Variants in TECPR2 observed in about 807,000 individuals in gnomAD.
TECPR2 encodes tectonin beta-propeller repeat containing 2, also known as tectonin beta-propeller repeat-containing protein 2.
In TECPR2, 65 loss-of-function variants were observed where a neutral mutation model predicts 138.1. The ratio of observed to expected loss-of-function variants is 0.47; its 90% CI spans 0.39 to 0.58. The LOEUF is 0.58. Among genes scored for constraint, TECPR2 ranks in the 20% least tolerant of loss-of-function variants. The pLI is 0.00. For missense variants in TECPR2, 1,553 were observed against 1,824.5 expected, an observed-to-expected ratio of 0.85 and a Z score of 2.71; for synonymous variants, 746 against 749.8, an observed-to-expected ratio of 0.99 and a Z score of 0.08.
At chr14:102,405,089 C>G (rs1888621974) in intron 2 of TECPR2, among the ~76,000 whole-genome samples, 1 of 152,012 alleles carries the variant, frequency 6.6e-6, no homozygotes, top group African/African-American at 2.4e-5. Flanking sequence ...AGGCGGATCA[C>G]TTGAGGCCAG....
chr14:102,390,077 C>G (rs932322566), intron 2 of TECPR2, among the ~76,000 whole-genome samples: 1 of 152,178 alleles, frequency 6.6e-6, no homozygotes, highest in Non-Finnish European at 1.5e-5. Flanking sequence ...GTGGTTTCTA[C>G]TGAAGGTTAA....
chr14:102,413,999 A>G (rs1327687803), intron 4 of TECPR2, among the ~76,000 whole-genome samples: 1 of 149,646 alleles, frequency 6.7e-6, no homozygotes, highest in South Asian at 2.1e-4. Flanking sequence ...ATGATCTCAC[A>G]ATGTTGCCCA....
chr14:102,498,535 C>A lies in TECPR2; in HGVS notation c.*278C>A, dbSNP rs1463081165. The A allele has an allele frequency of 7.8e-6, 4 of 514,260 alleles. No homozygotes were observed. The Admixed American group carries it at 9.8e-5, about 13-fold the overall frequency. 31.9% of individuals were successfully genotyped at this position (514,260 alleles called of 1,614,324 possible). ...TGCACTCCGATTACCCACGTGCTGC[C>A]GTCCTGGTCTCATCCACAGATAGCT... is the stretch of plus-strand genomic sequence containing the variant. On this transcript the variant is annotated 3_prime_UTR_variant, in exon 20 of 20. Transcript: ENST00000359520.
rs10149146 is a variant in TECPR2 at position 102,434,864 on chromosome 14, A to G, written c.2047A>G (p.Ile683Val). ...SPVEPSQEQD[I>V]LTSMEASGHL... ...CGTGGAGCCCAGCCAAGAGCAGGACATCCTAACCAGCATGGAGGCCTCTGG... is the reference window on the plus strand; with the variant it reads ...CGTGGAGCCCAGCCAAGAGCAGGACGTCCTAACCAGCATGGAGGCCTCTGG... Residue 683 changes from isoleucine to valine, a missense_variant, in exon 9 of 20, where the codon ATC (isoleucine) becomes GTC (valine). Ile to Val is a conservative substitution (Grantham distance 29). Transcript: ENST00000359520. 0.31 allele frequency: 502,511 copies of G among 1,613,380 alleles called. 81,354 individuals are homozygous for G. The highest frequency in any genetic ancestry group is 0.39 in the Middle Eastern group (2,393 of 6,062).
rs1454723646 is a variant in TECPR2 at position 102,415,981 on chromosome 14, C to G, written c.638+1188C>G. Among the ~76,000 whole-genome samples the G allele has an allele frequency of 1.3e-5, 2 of 152,180 alleles. No individual in the cohort carries two copies. The highest frequency in any genetic ancestry group is 2.4e-5 in the African/African-American group (1 of 41,434). Reference sequence around the variant, plus strand: ...CAGCCCCTGTGGTCGTAGTCACTGCCCGTTATTCTGTGTTCTGGGCTTTGC... The same window carrying G: ...CAGCCCCTGTGGTCGTAGTCACTGCGCGTTATTCTGTGTTCTGGGCTTTGC... On this transcript the variant is annotated intron_variant, in intron 5 of 19. Transcript: ENST00000359520. This position sits in a 1 kb window ranked among gnomAD's most constrained non-coding sequence, Gnocchi z 4.3.
At chr14:102,391,804 C>T (rs1597779502) in intron 2 of TECPR2, among the ~76,000 whole-genome samples, 1 of 152,098 alleles carries the variant, frequency 6.6e-6, no homozygotes, top group Non-Finnish European at 1.5e-5. Context: ...ATGAGTCTTG[C>T]TCCTTTTCCT....
At chr14:102,430,035 C>G (rs560831895) in intron 7 of TECPR2, among the ~76,000 whole-genome samples, 2 of 152,246 alleles carry the variant, frequency 1.3e-5, no homozygotes, top group South Asian at 2.1e-4. Context: ...GGTGCAGTCT[C>G]TGGTCACTGC....
chr14:102,388,965 A>AAAAT (rs1888096021), intron 2 of TECPR2, among the ~76,000 whole-genome samples: 1 of 148,898 alleles, frequency 6.7e-6, no homozygotes, highest in Non-Finnish European at 1.5e-5. Flanking sequence ...CGTCTCAAAA[A>AAAAT]AAAAAAAAAA....
intron 9 of TECPR2, among the ~76,000 whole-genome samples, chr14:102,436,736 A>G (rs1567341157): frequency 1.3e-5 from 2 of 152,292 alleles, no homozygotes; most frequent in Admixed American, 1.3e-4. Context: ...GATGGCAGCT[A>G]GTTGTGGATT....
At position 102,499,391 on chromosome 14, in the gene TECPR2, T is replaced by G. The variant is rs558792806; in HGVS notation, c.*1134T>G. On this transcript the variant is annotated 3_prime_UTR_variant, in exon 20 of 20. Transcript: ENST00000359520. ...AAATCTTACAAATTTAGAAGAGAGA[T>G]ATGTTTTCCGAAAACAGTGGAAGCC... 58 of 597,102 alleles carry G rather than the reference T, an allele frequency of 9.7e-5. No individual in the cohort carries two copies. The highest frequency in any genetic ancestry group is 8.2e-4 in the African/African-American group (44 of 53,910). 37.0% of individuals were successfully genotyped at this position (597,102 alleles called of 1,614,324 possible).
chr14:102,377,845 T>C (rs1424691325), intron 2 of TECPR2, among the ~76,000 whole-genome samples: 1 of 152,254 alleles, frequency 6.6e-6, no homozygotes, highest in African/African-American at 2.4e-5. Flanking sequence ...TAATCTCTAG[T>C]TCTTCTCTTG....
chr14:102,462,396 A>G (rs1890429946), intron 16 of TECPR2, among the ~76,000 whole-genome samples: 1 of 152,234 alleles, frequency 6.6e-6, no homozygotes, highest in Admixed American at 6.5e-5. Context: ...TCAAGGAAGG[A>G]GAAAATACAG....
Position 102,498,320 on chromosome 14 carries a change from G to A in TECPR2, c.*63G>A. ...CTGTGGCGGGCACAGGGGCTTCAGA[G>A]TGACTCCCTGGTGGACGCGCTGCCT... On this transcript the variant is annotated 3_prime_UTR_variant, in exon 20 of 20. Coordinates refer to ENST00000359520, the MANE Select transcript of TECPR2 (RefSeq NM_014844.5). The A allele has an allele frequency of 2.0e-6, 3 of 1,524,990 alleles. No individual in the cohort carries two copies. The highest frequency in any genetic ancestry group is 1.4e-5 in the African/African-American group (1 of 73,488). 94.5% of individuals were successfully genotyped at this position (1,524,990 alleles called of 1,614,324 possible).
At chr14:102,399,952 T>C (rs567961751) in intron 2 of TECPR2, among the ~76,000 whole-genome samples, 1 of 152,284 alleles carries the variant, frequency 6.6e-6, no homozygotes, top group East Asian at 1.9e-4. Context: ...TTTTGTGTTC[T>C]ACATGATTTA....
At chr14:102,440,695 C>T in intron 11 of TECPR2, 86 bp downstream of exon 11, 1 of 1,463,956 alleles carries the variant, frequency 6.8e-7, no homozygotes, top group Non-Finnish European at 9.2e-7. Context: ...ATGCTTACCA[C>T]AATCGCTATG....
At chr14:102,451,993 G>C (rs28589811) in intron 15 of TECPR2, among the ~76,000 whole-genome samples, 3 of 152,002 alleles carry the variant, frequency 2.0e-5, no homozygotes, top group South Asian at 4.2e-4. Flanking sequence ...TCCCTCCAGG[G>C]CACCGAGTTG....
In TECPR2 at chr14:102,376,911, C is replaced by T; in HGVS notation, c.190C>T (p.Leu64Phe). The change falls in exon 2 of 20, where the codon CTC becomes TTC. Residue 64 changes from leucine (L) to phenylalanine (F), a missense_variant. Coordinates refer to ENST00000359520, the MANE Select transcript of TECPR2 (RefSeq NM_014844.5). The part of the protein sequence containing the change: ...IGMLYLYCRH[L>F]NQMRKYNFEG... ...CATGCTCTATCTGTACTGCCGGCAC[C>T]TCAACCAGATGAGGAAGTACAACTT... 1 of 1,614,122 alleles carries T rather than the reference C, an allele frequency of 6.2e-7. No individual in the cohort carries two copies. Among genetic ancestry groups the T allele is most frequent in the South Asian group, 1.1e-5 (1 of 91,072 alleles).
intron 1 of TECPR2, among the ~76,000 whole-genome samples, chr14:102,367,908 G>T (rs1456741186): frequency 6.6e-6 from 1 of 151,242 alleles, no homozygotes; most frequent in African/African-American, 2.4e-5. Context: ...TACCCTAGTG[G>T]GTATGAAGTG....
At chr14:102,396,030 C>T (rs902836216) in intron 2 of TECPR2, among the ~76,000 whole-genome samples, 39 of 151,446 alleles carry the variant, frequency 2.6e-4, no homozygotes, top group African/African-American at 9.2e-4. Flanking sequence ...TGGGGCAGCT[C>T]TTGTGACTCC....
Sources: allele counts gnomAD v4.1 joint callset (sites outside exome capture counted in the v4.1 genomes callset), GRCh38; gene constraint gnomAD v4.1.1; non-coding constraint Gnocchi (gnomAD v3.1); transcripts MANE v1.5; gene names NCBI Gene and HGNC (gene_info 2026-07-23, HGNC 2026-07-21).